Variants in RGS20 observed in about 807,000 individuals in gnomAD.
RGS20 encodes the protein regulator of G protein signaling 20.
Under a neutral mutation model 33.6 loss-of-function variants are expected in RGS20, and 30 were observed. The observed-to-expected ratio is 0.89, with a 90% CI of 0.67 to 1.21. The LOEUF is 1.21. RGS20 is among the 50% of genes most tolerant of loss of function. The pLI is 0.00. For synonymous variants in RGS20, 208 were observed against 197.9 expected (o/e 1.05, Z -0.43); for missense variants, 472 against 502.4 (o/e 0.94, Z 0.58).
intron 2 of RGS20, among the ~76,000 whole-genome samples, chr8:53,936,213 A>G (rs1248798099): frequency 6.6e-6 from 1 of 152,078 alleles, no homozygotes; most frequent in Non-Finnish European, 1.5e-5. Context: ...GTCTCTTACC[A>G]CTCCTATTCA....
intron 1 of RGS20, among the ~76,000 whole-genome samples, chr8:53,855,518 G>A (rs1404942856): frequency 1.3e-5 from 2 of 152,222 alleles, no homozygotes; most frequent in Non-Finnish European, 2.9e-5. Flanking sequence ...TGTCTTGACT[G>A]CAGTGGCAGT....
chr8:53,923,095 A>G lies in RGS20; in HGVS notation c.511-16481A>G, dbSNP rs567007705. ...TTATATGTAGCTCCTTTCTCTCCCT[A>G]CTGTTTTGTGGCTACTACTGCTGTA... On this transcript the variant is annotated intron_variant, in intron 2 of 5. Coordinates refer to ENST00000297313, the MANE Select transcript of RGS20 (RefSeq NM_170587.4). Among the ~76,000 whole-genome samples the G allele has an allele frequency of 7.9e-5, 12 of 151,828 alleles. No homozygotes were observed. The South Asian group carries it at 8.3e-4, about 11-fold the overall frequency.
chr8:53,958,130 T>G, intron 5 of RGS20, 140 bp from the exon 5 acceptor site: 1 of 591,370 alleles, frequency 1.7e-6, no homozygotes. Context: ...AGTAAGACTC[T>G]GTCTCAAAAC....
rs192108100 is a variant in RGS20, at chr8:53,853,075, G to A, written c.165+1011G>A. On this transcript the variant is annotated intron_variant, in intron 1 of 5. Coordinates refer to ENST00000297313, the MANE Select transcript of RGS20 (RefSeq NM_170587.4). The stretch of plus-strand genomic sequence containing the variant: ...TTATCATCTAAGCACTAAGAGTTTA[G>A]CAAGCTGCAATGAAATGGGATGTAG... Among the ~76,000 whole-genome samples, 8 of 152,246 alleles carry A rather than the reference G, an allele frequency of 5.3e-5. No homozygotes were observed. In the East Asian group the frequency reaches 9.6e-4, roughly 18 times the overall value.
intron 3 of RGS20, among the ~76,000 whole-genome samples, chr8:53,943,434 T>A (rs1196144924): frequency 1.3e-5 from 2 of 152,186 alleles, no homozygotes; most frequent in African/African-American, 4.8e-5. Flanking sequence ...TTTTTTTCCT[T>A]TCTAGTAAGT....
At chr8:53,928,357 G>C (rs1216783575) in intron 2 of RGS20, among the ~76,000 whole-genome samples, 1 of 152,046 alleles carries the variant, frequency 6.6e-6, no homozygotes, top group African/African-American at 2.4e-5. Flanking sequence ...CATTAATTTA[G>C]AATTTTTTTG....
chr8:53,919,428 G>A lies in RGS20; in HGVS notation c.511-20148G>A, dbSNP rs1023408160. ...ACAATCTCGGCTCACTGCAACCTCC[G>A]CCTCCCAGGTTCAAGAGATTCTCCT... On this transcript the variant is annotated intron_variant, in intron 2 of 5. Transcript: ENST00000297313. Among the ~76,000 whole-genome samples, 43 of 149,058 alleles carry A rather than the reference G, an allele frequency of 2.9e-4. 2 individuals are homozygous for A. Among genetic ancestry groups the A allele is most frequent in the Admixed American group, 1.9e-3 (28 of 14,884 alleles).
At chr8:53,870,647 G>A (rs992815473) in intron 1 of RGS20, among the ~76,000 whole-genome samples, 2 of 151,622 alleles carry the variant, frequency 1.3e-5, no homozygotes, top group Non-Finnish European at 2.9e-5. Context: ...TTCCTCCTTG[G>A]TCTTTTTCTC....
intron 1 of RGS20, among the ~76,000 whole-genome samples, chr8:53,855,841 G>A (rs191050334): frequency 1.7e-4 from 26 of 152,226 alleles, no homozygotes; most frequent in Non-Finnish European, 3.2e-4. Flanking sequence ...TTATTGTTGT[G>A]GTTATTCCAG....
intron 1 of RGS20, among the ~76,000 whole-genome samples, chr8:53,868,713 A>ATC (rs1182994588): frequency 6.6e-6 from 1 of 152,068 alleles, no homozygotes; most frequent in African/African-American, 2.4e-5. Flanking sequence ...AATTTTTAAA[A>ATC]TTGTAAACCT....
intron 4 of RGS20, among the ~76,000 whole-genome samples, chr8:53,950,236 A>G (rs1004998234): frequency 3.5e-4 from 54 of 152,336 alleles, no homozygotes; most frequent in African/African-American, 1.3e-3. Context: ...TTTTAAAAAA[A>G]TTGATGATTG....
rs185660180 is a variant in RGS20 at position 53,943,025 on chromosome 8, A to G, written c.659+3301A>G. 1.5e-3 allele frequency among the ~76,000 whole-genome samples: 233 copies of G among 151,990 alleles called. 1 individual carries two copies. The highest frequency in any genetic ancestry group is 5.3e-3 in the African/African-American group (220 of 41,412). On this transcript the variant is annotated intron_variant, in intron 3 of 5. Coordinates refer to ENST00000297313, the MANE Select transcript of RGS20 (RefSeq NM_170587.4). ...ATAAATAAATTCATATGCTAGAGGG[A>G]AAAAAAATTATAAAGCAATACATGT...
At chr8:53,869,505 G>A (rs1452531961) in intron 1 of RGS20, among the ~76,000 whole-genome samples, 1 of 152,028 alleles carries the variant, frequency 6.6e-6, no homozygotes, top group East Asian at 1.9e-4. Context: ...GTGAAACCCT[G>A]TCTCTACTAA....
rs753218250 is a variant in RGS20, at chr8:53,881,109, C to G, written c.510+1507C>G. Reference sequence around the variant, plus strand: ...CGTGAGTATCCCAGTTCCTCGAACTCTCTTTCTTCGTCTCGGGCTCGCCCT... The same window carrying G: ...CGTGAGTATCCCAGTTCCTCGAACTGTCTTTCTTCGTCTCGGGCTCGCCCT... On this transcript the variant is annotated intron_variant, in intron 2 of 5. Coordinates refer to ENST00000297313, the MANE Select transcript of RGS20 (RefSeq NM_170587.4). 6 of 1,488,710 alleles carry G rather than the reference C, an allele frequency of 4.0e-6. No individual in the cohort carries two copies. The East Asian group carries it at 1.2e-4, about 30-fold the overall frequency. The allele number at this position is 1,488,710 out of a possible 1,614,324, so 92.2% of individuals were successfully genotyped here.
At chr8:53,909,207 G>GTGTGTATGTA (rs1554520817) in intron 2 of RGS20, among the ~76,000 whole-genome samples, 1 of 83,154 alleles carries the variant, frequency 1.2e-5, no homozygotes, top group African/African-American at 5.3e-5. Context: ...TATGGTATGT[G>GTGTGTATGTA]TGTATATATA....
At position 53,859,883 on chromosome 8, in the gene RGS20, A is replaced by G. The variant is rs578046844; in HGVS notation, c.165+7819A>G. On this transcript the variant is annotated intron_variant, in intron 1 of 5. Coordinates refer to ENST00000297313, the MANE Select transcript of RGS20 (RefSeq NM_170587.4). ...TCACTATCATGAGAACAGCATGGGAAAAACCCACCCCCACTATTCAGTTAC... is the reference window on the plus strand; with the variant it reads ...TCACTATCATGAGAACAGCATGGGAGAAACCCACCCCCACTATTCAGTTAC... Among the ~76,000 whole-genome samples the G allele has an allele frequency of 1.6e-4, 24 of 152,280 alleles. No individual in the cohort carries two copies. The South Asian group carries it at 5.0e-3, about 32-fold the overall frequency.
In RGS20 at chr8:53,880,920, G is replaced by A. The variant is rs1326188072; in HGVS notation, c.510+1318G>A. ...GGAGAAGAGGGCTAGAGCAAAGACC[G>A]AGAGCCGGAGAAAGGCGAAAGGCGC... On this transcript the variant is annotated intron_variant, in intron 2 of 5. Coordinates refer to ENST00000297313, the MANE Select transcript of RGS20 (RefSeq NM_170587.4). The A allele has an allele frequency of 2.6e-6, 4 of 1,544,244 alleles. No homozygotes were observed. The East Asian group carries it at 7.1e-5, about 27-fold the overall frequency.
intron 2 of RGS20, among the ~76,000 whole-genome samples, chr8:53,918,325 CATACATT>C (rs1813547994): frequency 1.3e-5 from 2 of 152,146 alleles, no homozygotes; most frequent in South Asian, 4.1e-4. Context: ...TAAATGGAAT[CATACATT>C]ATGTAGCCTT....
chr8:53,911,066 G>A (rs1481626239), intron 2 of RGS20, among the ~76,000 whole-genome samples: 1 of 152,164 alleles, frequency 6.6e-6, no homozygotes, highest in Admixed American at 6.5e-5. Flanking sequence ...ATTTGGAGGT[G>A]AACTATTAGA....
Sources: allele counts gnomAD v4.1 joint callset (sites outside exome capture counted in the v4.1 genomes callset), GRCh38; gene constraint gnomAD v4.1.1; transcripts MANE v1.5; gene names NCBI Gene and HGNC (gene_info 2026-07-23, HGNC 2026-07-21).